Variants in CDHR1 observed in about 807,000 individuals in gnomAD.
The protein encoded by CDHR1 is cadherin-related family member 1.
A neutral mutation model predicts 72.1 loss-of-function variants in CDHR1; 61 were observed. That is an observed-to-expected ratio of 0.85 (90% CI 0.69 to 1.05). The LOEUF is 1.05. Ranked by LOEUF, CDHR1 falls within the 50% of genes least tolerant of loss-of-function variation. CDHR1 has a pLI of 0.00. For synonymous variants in CDHR1, 470 were observed against 448.1 expected, an observed-to-expected ratio of 1.05 and a Z score of -0.62; for missense variants, 1,186 against 1,115.7, an observed-to-expected ratio of 1.06 and a Z score of -0.90.
rs1035080738 is a variant in CDHR1, at chr10:84,217,393, C to A, written c.*2772C>A. 3.0e-6 allele frequency: 3 copies of A among 985,436 alleles called. No homozygotes were observed. The highest frequency in any genetic ancestry group is 1.7e-5 in the African/African-American group (1 of 57,342). The allele number at this position is 985,436 out of a possible 1,614,324, so 61.0% of individuals were successfully genotyped here. A position where few individuals can be genotyped will look rare whatever the true frequency, so the allele number is the denominator to read the frequency against. On this transcript the variant is annotated 3_prime_UTR_variant, in exon 17 of 17. Transcript: ENST00000623527. ...ACTCTGCAGAGTCATTTTCCTCCTG[C>A]GGCTGAGCTCAGATCTTCCAATCAC...
intron 10 of CDHR1, 32 bp from the exon 11 acceptor site, chr10:84,208,142 C>T: frequency 6.3e-7 from 1 of 1,598,184 alleles, no homozygotes; most frequent in Non-Finnish European, 8.6e-7. Context: ...GTCCACCTGC[C>T]ACACAGCCAT....
At position 84,194,789 on chromosome 10, in the gene CDHR1, C is replaced by T. The variant is rs750454492; in HGVS notation, c.29C>T (p.Ala10Val). 6.9e-5 allele frequency: 105 copies of T among 1,531,590 alleles called. No homozygotes were observed. The highest frequency in any genetic ancestry group is 1.6e-4 in the Admixed American group (8 of 50,876). The allele number at this position is 1,531,590 out of a possible 1,614,324, so 94.9% of individuals were successfully genotyped here. A position where few individuals can be genotyped will look rare whatever the true frequency, so the allele number is the denominator to read the frequency against. MRRCRWAAL[A>V]LGLLRLCLAQ... ...AGGCGCTGCCGGTGGGCCGCCCTGG[C>T]CCTGGGGCTGCTGCGCCTCTGCTTG... The change falls in exon 1 of 17, where the codon GCC becomes GTC. Residue 10 changes from alanine (A) to valine (V), a missense_variant. Physicochemically the swap from Ala to Val is moderately conservative, Grantham distance 64. Transcript: ENST00000623527.
At position 84,216,676 on chromosome 10, in the gene CDHR1, G is replaced by T. The variant is rs964792028; in HGVS notation, c.*2055G>T. On this transcript the variant is annotated 3_prime_UTR_variant, in exon 17 of 17. Transcript: ENST00000623527. Reference sequence around the variant, plus strand: ...CCCAGATGTGACTCTAAAGAAGGCTGAAAATTTTTGTCCAAATTGCCATGC... The same window carrying T: ...CCCAGATGTGACTCTAAAGAAGGCTTAAAATTTTTGTCCAAATTGCCATGC... 2.0e-6 allele frequency: 2 copies of T among 985,356 alleles called. No individual in the cohort carries two copies. The highest frequency in any genetic ancestry group is 3.5e-5 in the African/African-American group (2 of 57,256). 61.0% of individuals were successfully genotyped at this position (985,356 alleles called of 1,614,324 possible).
rs1206545356 is a variant in CDHR1 at position 84,217,213 on chromosome 10, C to A, written c.*2592C>A. 1.3e-5 allele frequency: 13 copies of A among 985,370 alleles called. No individual in the cohort carries two copies. The highest frequency in any genetic ancestry group is 1.6e-5 in the Non-Finnish European group (13 of 830,004). The allele number at this position is 985,370 out of a possible 1,614,324, so 61.0% of individuals were successfully genotyped here. ...TGGGCCAAGGGGCTGTCTGCTAGGT[C>A]CCAGTAGGACAGGCAGAGCTCCAGG... On this transcript the variant is annotated 3_prime_UTR_variant, in exon 17 of 17. Transcript: ENST00000623527.
At chr10:84,213,421 C>T (rs1477988401) in intron 16 of CDHR1, 73 bp downstream of exon 16, 14 of 1,584,712 alleles carry the variant, frequency 8.8e-6, no homozygotes, top group Admixed American at 1.7e-5. Context: ...GTGGGCAGAG[C>T]GAGAAGGACC....
Position 84,203,025 on chromosome 10 carries a change from AC to A in CDHR1, c.687del (p.Thr230ProfsTer37). 2 of 1,614,182 alleles carry A rather than the reference AC, an allele frequency of 1.2e-6. No homozygotes were observed. Among genetic ancestry groups the A allele is most frequent in the Non-Finnish European group, 8.5e-7 (1 of 1,180,010 alleles). Reference sequence around the variant, plus strand: ...TGGGGCTGATGTGGTGTTCTCAGCCACCACCACGGTCACGGTCAATGTGGAG... The same window carrying A: ...TGGGGCTGATGTGGTGTTCTCAGCCACACCACGGTCACGGTCAATGTGGAG... ...LHGADVVFSA[T>X]TTVTVNVEDV... On this transcript the variant is annotated frameshift_variant, in exon 8 of 17. Coordinates refer to ENST00000623527, the MANE Select transcript of CDHR1 (RefSeq NM_033100.4). LOFTEE classifies it high-confidence loss of function.
intron 11 of CDHR1, 65 bp from the exon 12 acceptor site, chr10:84,208,664 T>A (rs1300096044): frequency 1.3e-6 from 2 of 1,510,560 alleles, no homozygotes; most frequent in African/African-American, 2.7e-5. Flanking sequence ...AAGACTTCTA[T>A]ATAGTATGAT....
In CDHR1 at chr10:84,215,820, G is replaced by A. The variant is rs935931819; in HGVS notation, c.*1199G>A. The A allele has an allele frequency of 1.5e-5, 15 of 985,402 alleles. No individual in the cohort carries two copies. In the African/African-American group the frequency reaches 2.4e-4, roughly 16 times the overall value. 61.0% of individuals were successfully genotyped at this position (985,402 alleles called of 1,614,324 possible). ...GGGGCTACCACTGGATGATGGCATTGCCGTGACTCACACACCTCTACTTCT... is the reference window on the plus strand; with the variant it reads ...GGGGCTACCACTGGATGATGGCATTACCGTGACTCACACACCTCTACTTCT... On this transcript the variant is annotated 3_prime_UTR_variant, in exon 17 of 17. Transcript: ENST00000623527.
rs1229819041 is a variant in CDHR1 at position 84,203,046 on chromosome 10, G to A, written c.706G>A (p.Val236Met). ...AGCCACCACCACGGTCACGGTCAATGTGGAGGATGTTCAGGACATGGCCCC... is the reference window on the plus strand; with the variant it reads ...AGCCACCACCACGGTCACGGTCAATATGGAGGATGTTCAGGACATGGCCCC... ...FSATTTVTVNVEDVQDMAPVF... is the reference protein window; with the variant it reads ...FSATTTVTVNMEDVQDMAPVF... Residue 236 changes from valine to methionine, a missense_variant, in exon 8 of 17, where the codon GTG becomes ATG. Val to Met is a conservative substitution (Grantham distance 21). Coordinates refer to ENST00000623527, the MANE Select transcript of CDHR1 (RefSeq NM_033100.4). 2 of 1,614,132 alleles carry A rather than the reference G, an allele frequency of 1.2e-6. No individual in the cohort carries two copies. The highest frequency in any genetic ancestry group is 1.7e-6 in the Non-Finnish European group (2 of 1,180,050).
At chr10:84,200,747 C>T (rs1167019084) in intron 6 of CDHR1, 60 bp downstream of exon 6, 2 of 1,226,076 alleles carry the variant, frequency 1.6e-6, no homozygotes, top group African/African-American at 3.0e-5. Context: ...CCTAGATGGC[C>T]CCTACCTCCA....
rs113451619 is a variant in CDHR1 at position 84,202,470 on chromosome 10, C to G, written c.640-510C>G. Among the ~76,000 whole-genome samples the G allele has an allele frequency of 8.4e-3, 1,284 of 152,374 alleles. 8 individuals carry two copies. Among genetic ancestry groups the G allele is most frequent in the Non-Finnish European group, 0.014 (955 of 68,040 alleles). The stretch of plus-strand genomic sequence containing the variant: ...CCCAGCACTTTCTTTTGCAGGCAAG[C>G]CCCTGCTGGTCACAGCCTGGCTTAC... On this transcript the variant is annotated intron_variant, in intron 7 of 16. Transcript: ENST00000623527.
intron 9 of CDHR1, 101 bp downstream of exon 9, chr10:84,204,706 C>G: frequency 1.2e-6 from 1 of 818,040 alleles, no homozygotes; most frequent in Non-Finnish European, 2.2e-6. Flanking sequence ...CCTGTAGGAC[C>G]AGGATTACAA....
Position 84,204,480 on chromosome 10 carries a change from G to C in CDHR1, c.784-47G>C, listed in dbSNP as rs368184418. The C allele has an allele frequency of 1.2e-4, 160 of 1,296,334 alleles. 1 individual carries two copies. The Admixed American group carries it at 2.6e-3, about 21-fold the overall frequency. The allele number at this position is 1,296,334 out of a possible 1,614,324, so 80.3% of individuals were successfully genotyped here. A position where few individuals can be genotyped will look rare whatever the true frequency, so the allele number is the denominator to read the frequency against. ...TGGAGACATTGTTTGGGGAGGGGAGGGTCCCCATATTGCCCATCAGGCAGC... is the reference window on the plus strand; with the variant it reads ...TGGAGACATTGTTTGGGGAGGGGAGCGTCCCCATATTGCCCATCAGGCAGC... On this transcript the variant is annotated intron_variant, in intron 8 of 16. Coordinates refer to ENST00000623527, the MANE Select transcript of CDHR1 (RefSeq NM_033100.4).
At chr10:84,198,535 CA>C (rs1842067019) in intron 4 of CDHR1, among the ~76,000 whole-genome samples, 1 of 152,212 alleles carries the variant, frequency 6.6e-6, no homozygotes, top group Non-Finnish European at 1.5e-5. Context: ...CTTCCTGGCA[CA>C]ACTTTCTACC....
At chr10:84,203,707 C>T (rs1002438222) in intron 8 of CDHR1, among the ~76,000 whole-genome samples, 13 of 152,210 alleles carry the variant, frequency 8.5e-5, no homozygotes, top group Admixed American at 5.2e-4. Context: ...TGAGCCACCG[C>T]GCCCGGCCTA....
chr10:84,215,326 C>T lies in CDHR1; in HGVS notation c.*705C>T. ...TGCCAAGAGTGAGGGCAGATGTCTCCAGCCAGGACTGCCCTGAGCCGCAAA... is the reference window on the plus strand; with the variant it reads ...TGCCAAGAGTGAGGGCAGATGTCTCTAGCCAGGACTGCCCTGAGCCGCAAA... On this transcript the variant is annotated 3_prime_UTR_variant, in exon 17 of 17. Coordinates refer to ENST00000623527, the MANE Select transcript of CDHR1 (RefSeq NM_033100.4). 1.0e-6 allele frequency: 1 copy of T among 986,464 alleles called. No homozygotes were observed. Among genetic ancestry groups the T allele is most frequent in the Non-Finnish European group, 1.2e-6 (1 of 830,744 alleles). The allele number at this position is 986,464 out of a possible 1,614,324, so 61.1% of individuals were successfully genotyped here.
chr10:84,211,644 C>A lies in CDHR1; in HGVS notation c.1486-4C>A, dbSNP rs772797232. On this transcript the variant is annotated splice_region_variant and splice_polypyrimidine_tract_variant and intron_variant, in intron 13 of 16. Coordinates refer to ENST00000623527, the MANE Select transcript of CDHR1 (RefSeq NM_033100.4). The stretch of plus-strand genomic sequence containing the variant: ...CGTGCCACCCAGGGCTCTTTCTCTT[C>A]CAGGCTGTGGATCCAGATACAGGAC... 2.5e-6 allele frequency: 4 copies of A among 1,613,902 alleles called. No individual in the cohort carries two copies. Among genetic ancestry groups the A allele is most frequent in the African/African-American group, 2.7e-5 (2 of 74,928 alleles).
rs201515900 is a variant in CDHR1 at position 84,214,514 on chromosome 10, C to A, written c.2473C>A (p.Pro825Thr). ...SGSLTPQPTQ[P>T]PPKPKTMGSP... ...CTCTCTCACTCCGCAGCCGACCCAACCCCCGCCAAAACCCAAAACTATGGG... is the reference window on the plus strand; with the variant it reads ...CTCTCTCACTCCGCAGCCGACCCAAACCCCGCCAAAACCCAAAACTATGGG... The change falls in exon 17 of 17, where the codon CCC becomes ACC. Residue 825 changes from proline to threonine, a missense_variant. Pro to Thr is a conservative substitution (Grantham distance 38, BLOSUM62 -1). Coordinates refer to ENST00000623527, the MANE Select transcript of CDHR1 (RefSeq NM_033100.4). 1.7e-3 allele frequency: 2,787 copies of A among 1,604,366 alleles called. 58 individuals are homozygous for A. In the South Asian group the frequency reaches 0.027, roughly 15 times the overall value.
Position 84,205,936 on chromosome 10 carries a change from C to T in CDHR1, c.963+9C>T. The T allele has an allele frequency of 6.2e-7, 1 of 1,607,678 alleles. No individual in the cohort carries two copies. The highest frequency in any genetic ancestry group is 1.3e-5 in the African/African-American group (1 of 74,950). On this transcript the variant is annotated intron_variant, in intron 10 of 16. Coordinates refer to ENST00000623527, the MANE Select transcript of CDHR1 (RefSeq NM_033100.4). ...ATGAGCTGCATGTACAGGTACCCTCCCTCTAGCTTTGTCTTCCCTGCCCAC... is the reference window on the plus strand; with the variant it reads ...ATGAGCTGCATGTACAGGTACCCTCTCTCTAGCTTTGTCTTCCCTGCCCAC...
Sources: gnomAD v4.1 joint callset for allele counts (sites outside exome capture counted in the v4.1 genomes callset) on GRCh38, gnomAD v4.1.1 for gene constraint, MANE v1.5 for transcripts, NCBI Gene and HGNC (gene_info 2026-07-23, HGNC 2026-07-21) for gene names.